The following MYRIP variants were observed in gnomAD, a reference collection of about 807,000 sequenced individuals.
The protein encoded by MYRIP is rab effector MyRIP.
MYRIP carries 49 observed loss-of-function variants against 98.0 expected under a neutral mutation model. The observed-to-expected ratio is 0.50, with a 90% CI of 0.40 to 0.63. The LOEUF (loss-of-function observed/expected upper bound fraction) is 0.63. MYRIP is among the 30% of genes least tolerant of loss of function. The pLI is 0.00. For missense variants in MYRIP, 1,004 were observed against 1,058.2 expected, an observed-to-expected ratio of 0.95 and a Z score of 0.71; for synonymous variants, 404 against 409.5, an observed-to-expected ratio of 0.99 and a Z score of 0.16.
chr3:39,953,076 G>T (rs1189934509), intron 2 of MYRIP, among the ~76,000 whole-genome samples: 2 of 152,128 alleles, frequency 1.3e-5, no homozygotes, highest in South Asian at 2.1e-4. Context: ...ATGCCCCGGG[G>T]CATGAGGTTT....
chr3:40,090,126 A>T (rs1948714085), intron 3 of MYRIP, among the ~76,000 whole-genome samples: 1 of 151,892 alleles, frequency 6.6e-6, no homozygotes, highest in African/African-American at 2.4e-5. Flanking sequence ...GTTCAGTTTT[A>T]TTTCTGTTCA....
At chr3:39,845,814 C>T (rs1287138025) in intron 1 of MYRIP, among the ~76,000 whole-genome samples, 1 of 146,458 alleles carries the variant, frequency 6.8e-6, no homozygotes, top group Non-Finnish European at 1.5e-5. Flanking sequence ...AGCAGTTGCC[C>T]TGCAGCACTA....
Position 40,041,241 on chromosome 3 carries a change from T to A in MYRIP, c.111-2809T>A, listed in dbSNP as rs545327283. Reference sequence around the variant, plus strand: ...AATAACTGGGACAAGACTAATCAACTGATACTATATAACTGGTGAATGAGG... The same window carrying A: ...AATAACTGGGACAAGACTAATCAACAGATACTATATAACTGGTGAATGAGG... On this transcript the variant is annotated intron_variant, in intron 2 of 16. Transcript: ENST00000302541. Among the ~76,000 whole-genome samples, 3 of 120,484 alleles carry A rather than the reference T, an allele frequency of 2.5e-5. No homozygotes were observed. In the South Asian group the frequency reaches 8.8e-4, roughly 35 times the overall value. The allele number at this position is 120,484 out of a possible 152,430, so 79.0% of individuals were successfully genotyped here. A position where few individuals can be genotyped will look rare whatever the true frequency, so the allele number is the denominator to read the frequency against.
At chr3:40,084,391 AG>A (rs1575524803) in intron 3 of MYRIP, among the ~76,000 whole-genome samples, 3 of 138,260 alleles carry the variant, frequency 2.2e-5, no homozygotes, top group African/African-American at 5.6e-5. Context: ...ATATATCGAT[AG>A]ATAATACACA....
intron 1 of MYRIP, among the ~76,000 whole-genome samples, chr3:39,896,715 G>C (rs1943618828): frequency 1.3e-5 from 2 of 152,172 alleles, no homozygotes; most frequent in South Asian, 4.1e-4. Flanking sequence ...AGACAAAAAT[G>C]TACTGTGGGT....
chr3:39,872,932 G>A (rs1942849098), intron 1 of MYRIP, among the ~76,000 whole-genome samples: 1 of 152,168 alleles, frequency 6.6e-6, no homozygotes, highest in African/African-American at 2.4e-5. Context: ...CACAATGGTT[G>A]AACTAGTTTA....
chr3:39,878,712 G>A (rs1430269447), intron 1 of MYRIP, among the ~76,000 whole-genome samples: 1 of 151,884 alleles, frequency 6.6e-6, no homozygotes, highest in Admixed American at 6.6e-5. Flanking sequence ...ACATAAATTT[G>A]TATTTTTTGT....
At chr3:39,985,618 C>T (rs1324211845) in intron 2 of MYRIP, among the ~76,000 whole-genome samples, 12 of 141,496 alleles carry the variant, frequency 8.5e-5, no homozygotes, top group Non-Finnish European at 1.1e-4. Context: ...AGATATAGAT[C>T]AATGGAACAG....
intron 3 of MYRIP, among the ~76,000 whole-genome samples, chr3:40,115,853 G>A (rs1281758398): frequency 2.0e-5 from 3 of 150,792 alleles, no homozygotes. Flanking sequence ...ATTTTATTAT[G>A]GAGTATCAGT....
chr3:39,945,754 T>A (rs1944886931), intron 2 of MYRIP, among the ~76,000 whole-genome samples: 1 of 152,150 alleles, frequency 6.6e-6, no homozygotes, highest in South Asian at 2.1e-4. Flanking sequence ...ATGAAAGCTT[T>A]AAGATTTGTG....
chr3:39,936,677 T>C (rs935727914), intron 2 of MYRIP, among the ~76,000 whole-genome samples: 1 of 152,140 alleles, frequency 6.6e-6, no homozygotes. Flanking sequence ...TGCAGAAATA[T>C]GCTTGCACCG....
chr3:40,208,457 T>C (rs1055678758), intron 10 of MYRIP, among the ~76,000 whole-genome samples: 3 of 152,182 alleles, frequency 2.0e-5, no homozygotes, highest in African/African-American at 4.8e-5. Flanking sequence ...AGGCCAAGAA[T>C]AGAGTAAGAG....
At chr3:40,150,703 C>A (rs909101452) in intron 3 of MYRIP, among the ~76,000 whole-genome samples, 1 of 152,124 alleles carries the variant, frequency 6.6e-6, no homozygotes, top group East Asian at 1.9e-4. Flanking sequence ...AAACTAGTGG[C>A]CGATGGCTTC....
At chr3:39,929,056 A>G (rs1944482833) in intron 2 of MYRIP, among the ~76,000 whole-genome samples, 2 of 152,058 alleles carry the variant, frequency 1.3e-5, no homozygotes, top group South Asian at 4.1e-4. Context: ...AGAAACAAAC[A>G]TGGACACATA....
chr3:39,899,847 G>A (rs919891361), intron 1 of MYRIP, among the ~76,000 whole-genome samples: 6 of 152,108 alleles, frequency 3.9e-5, no homozygotes, highest in African/African-American at 1.4e-4. Flanking sequence ...TTGAGATGGA[G>A]TCTCGCTTTG....
intron 1 of MYRIP, among the ~76,000 whole-genome samples, chr3:39,857,486 T>TC (rs1368318701): frequency 4.6e-5 from 7 of 151,886 alleles, no homozygotes; most frequent in Admixed American, 4.6e-4. Flanking sequence ...TCAACATAAT[T>TC]CTCAATCAAG....
intron 1 of MYRIP, among the ~76,000 whole-genome samples, chr3:39,812,964 G>A (rs983693185): frequency 1.1e-4 from 16 of 152,346 alleles, no homozygotes; most frequent in Admixed American, 9.8e-4. Context: ...CGTGGGATGG[G>A]GGCAGGTGCT....
chr3:39,963,278 G>T (rs972904889), intron 2 of MYRIP, among the ~76,000 whole-genome samples: 2 of 152,118 alleles, frequency 1.3e-5, no homozygotes, highest in African/African-American at 4.8e-5. Flanking sequence ...TCTTCTCCCT[G>T]TTGGGGGAAT....
At chr3:40,074,883 T>C (rs967993419) in intron 3 of MYRIP, among the ~76,000 whole-genome samples, 2 of 152,214 alleles carry the variant, frequency 1.3e-5, no homozygotes, top group Admixed American at 6.5e-5. Flanking sequence ...TCATATGTTA[T>C]CAGGAAAACT....
Sources: allele counts gnomAD v4.1 joint callset (sites outside exome capture counted in the v4.1 genomes callset), GRCh38; gene constraint gnomAD v4.1.1; transcripts MANE v1.5; gene names NCBI Gene and HGNC (gene_info 2026-07-23, HGNC 2026-07-21).